CLYBL: variants seen among roughly 807,000 people sequenced by gnomAD.
The protein encoded by CLYBL is citramalyl-CoA lyase.
A neutral mutation model predicts 38.9 loss-of-function variants in CLYBL; 31 were observed. The observed-to-expected ratio is 0.80, with a 90% CI of 0.60 to 1.08. CLYBL has a LOEUF of 1.08. Ranked by LOEUF, CLYBL falls within the 50% of genes least tolerant of loss-of-function variation. The pLI is 0.00. For synonymous variants in CLYBL, 171 were observed against 158.6 expected, an observed-to-expected ratio of 1.08 and a Z score of -0.59; for missense variants, 434 against 411.6, an observed-to-expected ratio of 1.05 and a Z score of -0.47.
intron 1 of CLYBL, among the ~76,000 whole-genome samples, chr13:99,666,700 ATGGTATT>A (rs11278066): frequency 0.033 from 4,996 of 152,180 alleles, 273 homozygotes; most frequent in African/African-American, 0.12. Context: ...TTATGCACAC[ATGGTATT>A]TTTTCCCGCA....
exon 10 of CLYBL, among the ~76,000 whole-genome samples, chr13:99,909,372 G>T (rs12874770): frequency 0.068 from 10,312 of 152,302 alleles, 471 homozygotes; most frequent in South Asian, 0.17. Flanking sequence ...TGTAAAACAG[G>T]ATAGTGCCCA....
At chr13:99,638,048 C>T (rs1289033602) in intron 1 of CLYBL, among the ~76,000 whole-genome samples, 1 of 141,714 alleles carries the variant, frequency 7.1e-6, no homozygotes, top group Non-Finnish European at 1.5e-5. Flanking sequence ...ACTGCATTCT[C>T]GACCACCCAG....
At chr13:99,835,877 T>C (rs1244659681) in intron 2 of CLYBL, among the ~76,000 whole-genome samples, 1 of 152,052 alleles carries the variant, frequency 6.6e-6, no homozygotes, top group Non-Finnish European at 1.5e-5. Context: ...AACCAGGAAG[T>C]CCAGGGTAGG....
chr13:99,694,908 GA>G (rs2047956496), intron 1 of CLYBL, among the ~76,000 whole-genome samples: 2 of 152,014 alleles, frequency 1.3e-5, no homozygotes, highest in Admixed American at 1.3e-4. Context: ...AAAGTTGGGG[GA>G]AAGAACTCCT....
intron 1 of CLYBL, among the ~76,000 whole-genome samples, chr13:99,733,095 CA>C (rs1319615349): frequency 6.6e-6 from 1 of 152,110 alleles, no homozygotes; most frequent in Non-Finnish European, 1.5e-5. Flanking sequence ...CAGGAGTCAG[CA>C]GAAAAAGTAA....
intron 1 of CLYBL, among the ~76,000 whole-genome samples, chr13:99,636,899 T>G (rs757174497): frequency 3.6e-4 from 54 of 152,080 alleles, no homozygotes; most frequent in Non-Finnish European, 5.7e-4. Flanking sequence ...CTTTTTTTTT[T>G]AGACTTACTC....
At chr13:99,905,748 TTTG>T (rs1488872501) in intron 9 of CLYBL, among the ~76,000 whole-genome samples, 49 of 103,700 alleles carry the variant, frequency 4.7e-4, no homozygotes, top group African/African-American at 8.2e-4. Flanking sequence ...TCAAACATGT[TTTG>T]TTGTTGTTGT....
chr13:99,645,978 T>G (rs2047170988), intron 1 of CLYBL, among the ~76,000 whole-genome samples: 1 of 152,190 alleles, frequency 6.6e-6, no homozygotes, highest in African/African-American at 2.4e-5. Context: ...TCTTCTTTCC[T>G]GTGGCTGAGA....
chr13:99,861,795 G>T (rs1206524990), intron 3 of CLYBL, among the ~76,000 whole-genome samples: 2 of 152,072 alleles, frequency 1.3e-5, no homozygotes, highest in Admixed American at 6.6e-5. Flanking sequence ...TTTTAGGGGG[G>T]TGGTGCACCG....
At chr13:99,846,241 C>A (rs923280442) in intron 2 of CLYBL, among the ~76,000 whole-genome samples, 2 of 148,238 alleles carry the variant, frequency 1.3e-5, no homozygotes, top group African/African-American at 5.0e-5. Context: ...ACCAACATTA[C>A]GAATGTTGAT....
chr13:99,811,778 G>A (rs1197184923), intron 2 of CLYBL, among the ~76,000 whole-genome samples: 1 of 152,128 alleles, frequency 6.6e-6, no homozygotes, highest in East Asian at 1.9e-4. Context: ...CTCAGCTTCT[G>A]AACCCAGTTC....
intron 1 of CLYBL, among the ~76,000 whole-genome samples, chr13:99,670,572 T>C (rs1325547097): frequency 1.3e-5 from 2 of 152,208 alleles, no homozygotes; most frequent in East Asian, 3.9e-4. Flanking sequence ...TTCTTTCAAC[T>C]ATCCAAATGA....
intron 2 of CLYBL, among the ~76,000 whole-genome samples, chr13:99,794,554 A>C (rs1287657965): frequency 7.3e-6 from 1 of 137,432 alleles, no homozygotes; most frequent in African/African-American, 2.7e-5. Context: ...GCCACAATTT[A>C]TAACAGTATT....
At position 99,848,566 on chromosome 13, in the gene CLYBL, T is replaced by C. The variant is rs1210012024; in HGVS notation, c.250-10295T>C. Among the ~76,000 whole-genome samples the C allele has an allele frequency of 2.0e-5, 3 of 152,336 alleles. No individual in the cohort carries two copies. The East Asian group carries it at 5.8e-4, about 29-fold the overall frequency. On this transcript the variant is annotated intron_variant, in intron 2 of 8. Transcript: ENST00000339105. ...AAGTATCTGGATGTTTGGCCATAAG[T>C]ACATAAAACAACCAGATGAGTGATT...
At chr13:99,737,810 G>A (rs1463247371) in intron 1 of CLYBL, among the ~76,000 whole-genome samples, 1 of 152,172 alleles carries the variant, frequency 6.6e-6, no homozygotes, top group Non-Finnish European at 1.5e-5. Context: ...TGATAAGGGA[G>A]GCAAACTGCA....
intron 1 of CLYBL, among the ~76,000 whole-genome samples, chr13:99,766,101 C>T (rs1313596905): frequency 6.6e-6 from 1 of 152,156 alleles, no homozygotes; most frequent in Admixed American, 6.5e-5. Context: ...GATCCTCCTG[C>T]TTCAGCCTCC....
intron 2 of CLYBL, among the ~76,000 whole-genome samples, chr13:99,815,636 A>G (rs2050430602): frequency 6.6e-6 from 1 of 152,164 alleles, no homozygotes; most frequent in African/African-American, 2.4e-5. Flanking sequence ...CTGTAATCCC[A>G]ATACTTTGGG....
chr13:99,663,272 C>T (rs940700627), intron 1 of CLYBL, among the ~76,000 whole-genome samples: 1 of 152,186 alleles, frequency 6.6e-6, no homozygotes, highest in African/African-American at 2.4e-5. Context: ...TGATACTAGC[C>T]CCATGTGTGG....
chr13:99,651,884 A>G (rs181589079), intron 1 of CLYBL, among the ~76,000 whole-genome samples: 1 of 152,258 alleles, frequency 6.6e-6, no homozygotes, highest in East Asian at 1.9e-4. Context: ...GTGAGCCGAG[A>G]TCATGCCATT....
Sources: allele counts gnomAD v4.1 joint callset (sites outside exome capture counted in the v4.1 genomes callset), GRCh38; gene constraint gnomAD v4.1.1; transcripts MANE v1.5; gene names NCBI Gene and HGNC (gene_info 2026-07-23, HGNC 2026-07-21).